Variants in MCRIP1 observed in about 807,000 individuals in gnomAD.
MCRIP1 encodes MAPK regulated corepressor interacting protein 1, also known as mapk-regulated corepressor-interacting protein 1.
MCRIP1 carries 10 observed loss-of-function variants against 14.4 expected under a neutral mutation model. The ratio of observed to expected loss-of-function variants is 0.70; its 90% CI spans 0.43 to 1.18. The LOEUF (loss-of-function observed/expected upper bound fraction) is 1.18, where lower values mean the gene tolerates loss of function less well. MCRIP1 is among the 50% of genes most tolerant of loss of function. MCRIP1 has a pLI of 0.00. For synonymous variants in MCRIP1, 53 were observed against 55.7 expected (o/e 0.95, Z 0.21); for missense variants, 119 against 135.4 (o/e 0.88, Z 0.60).
At chr17:81,825,844 C>T in intron 1 of MCRIP1, 2 of 1,289,752 alleles carry the variant, frequency 1.6e-6, no homozygotes, top group South Asian at 2.5e-5. Flanking sequence ...GACTCCAGCC[C>T]ACGAACACCA....
At chr17:81,833,156 G>A (rs1405710687) in intron 1 of MCRIP1, 82 bp downstream of exon 1, 1 of 146,380 alleles carries the variant, frequency 6.8e-6, no homozygotes, top group African/African-American at 2.5e-5. Context: ...ACCCGCGGCC[G>A]CGCGGCGACA....
In MCRIP1 at chr17:81,824,361, C is replaced by T. The variant is rs547202380; in HGVS notation, c.53G>A (p.Ser18Asn). The change falls in exon 3 of 5, where the codon AGC becomes AAC. Residue 18 changes from serine (S) to asparagine (N), a missense_variant. Ser to Asn is a conservative substitution (Grantham distance 46). Coordinates refer to ENST00000455127, the MANE Select transcript of MCRIP1 (RefSeq NM_207368.5). ...RVVYNGKRTS[S>N]PRSPPSSSEI... ...GCTGCTGCTGGGTGGGGAGCGGGGG[C>T]TGCTGGTCCTCTTGCCGTTGTACAC... 9.8e-6 allele frequency: 15 copies of T among 1,535,626 alleles called. No homozygotes were observed. In the African/African-American group the frequency reaches 1.8e-4, roughly 18 times the overall value.
chr17:81,824,433 G>A, intron 2 of MCRIP1, 28 bp from the exon 3 acceptor site: 1 of 1,534,376 alleles, frequency 6.5e-7, no homozygotes. Flanking sequence ...ATGAGACAGG[G>A]CACACAGCAG....
intron 1 of MCRIP1, among the ~76,000 whole-genome samples, chr17:81,829,334 G>A (rs770193365): frequency 2.0e-5 from 3 of 152,160 alleles, no homozygotes; most frequent in Non-Finnish European, 4.4e-5. Context: ...CATCCAGCCC[G>A]GCCCCCTGCC....
intron 1 of MCRIP1, among the ~76,000 whole-genome samples, chr17:81,831,217 G>T (rs984621428): frequency 6.6e-6 from 1 of 150,550 alleles, no homozygotes; most frequent in African/African-American, 2.4e-5. Context: ...GTATGCACCT[G>T]TAATTCCAGC....
In MCRIP1 at chr17:81,823,340, G is replaced by T; in HGVS notation, c.230-29C>A. The stretch of plus-strand genomic sequence containing the variant: ...CCAGGGGACAACGCGGTAGGTGGTG[G>T]GCACAGGCCCCTCCTGCCCATGAGG... On this transcript the variant is annotated intron_variant, in intron 4 of 4. Coordinates refer to ENST00000455127, the MANE Select transcript of MCRIP1 (RefSeq NM_207368.5). The surrounding 1 kb of genome is among the most constrained non-coding windows in gnomAD (Gnocchi z 6.0). 1 of 1,536,754 alleles carries T rather than the reference G, an allele frequency of 6.5e-7. No homozygotes were observed. The highest frequency in any genetic ancestry group is 8.7e-7 in the Non-Finnish European group (1 of 1,146,666).
intron 1 of MCRIP1, among the ~76,000 whole-genome samples, chr17:81,828,933 G>C (rs564247317): frequency 8.5e-4 from 129 of 152,342 alleles, no homozygotes; most frequent in African/African-American, 2.7e-3. Flanking sequence ...GGGAGGGCAG[G>C]AAGTGTGGCT....
At chr17:81,824,709 C>G in intron 1 of MCRIP1, 155 bp from the exon 2 acceptor site, 1 of 1,450,634 alleles carries the variant, frequency 6.9e-7, no homozygotes, top group Non-Finnish European at 9.1e-7. Context: ...GGCTGGGGTC[C>G]AGCCACAGGC....
At chr17:81,826,126 C>T (rs544495229) in intron 1 of MCRIP1, 1 of 1,481,678 alleles carries the variant, frequency 6.7e-7, no homozygotes. Flanking sequence ...GGCCTGGGAT[C>T]CCCCTGCTGG....
intron 1 of MCRIP1, chr17:81,826,515 CCTG>C: frequency 1.6e-6 from 1 of 632,612 alleles, no homozygotes; most frequent in South Asian, 2.1e-5. Flanking sequence ...AGAGCAAGAC[CCTG>C]TGTCAAAAAA....
At chr17:81,825,371 G>GGGGAAGCTGACAGGGCT in intron 1 of MCRIP1, 1 of 1,182,900 alleles carries the variant, frequency 8.5e-7, no homozygotes, top group Non-Finnish European at 1.1e-6. Context: ...ACCCCAAGGT[G>GGGGAAGCTGACAGGGCT]GGGAAGCTGA....
Position 81,823,316 on chromosome 17 carries a change from CA to C in MCRIP1, c.230-6del. ...TCAGGTCGATGGGCTTGAAGGCTGC[CA>C]GGGGACAACGCGGTAGGTGGTGGGC... On this transcript the variant is annotated splice_region_variant and splice_polypyrimidine_tract_variant and intron_variant, in intron 4 of 4. Coordinates refer to ENST00000455127, the MANE Select transcript of MCRIP1 (RefSeq NM_207368.5). The surrounding 1 kb of genome is among the most constrained non-coding windows in gnomAD (Gnocchi z 6.0). The C allele has an allele frequency of 6.5e-7, 1 of 1,536,972 alleles. No homozygotes were observed. Among genetic ancestry groups the C allele is most frequent in the African/African-American group, 1.4e-5 (1 of 73,156 alleles).
intron 1 of MCRIP1, among the ~76,000 whole-genome samples, chr17:81,830,029 G>C (rs751551668): frequency 4.6e-5 from 7 of 152,236 alleles, no homozygotes; most frequent in Non-Finnish European, 8.8e-5. Flanking sequence ...CAGCCACACA[G>C]AGCACAGGCC....
At position 81,831,802 on chromosome 17, in the gene MCRIP1, C is replaced by T. The variant is rs185084392; in HGVS notation, c.-49+1436G>A. Among the ~76,000 whole-genome samples, 13 of 152,336 alleles carry T rather than the reference C, an allele frequency of 8.5e-5. No homozygotes were observed. In the East Asian group the frequency reaches 2.1e-3, roughly 25 times the overall value. On this transcript the variant is annotated intron_variant, in intron 1 of 4. Coordinates refer to ENST00000455127, the MANE Select transcript of MCRIP1 (RefSeq NM_207368.5). ...AAGTCTGCCTCCACTCTGCCTGCAC[C>T]CTACAGCAGGTTTCTGGACTCCCTG... is the stretch of plus-strand genomic sequence containing the variant.
Position 81,824,384 on chromosome 17 carries a change from C to T in MCRIP1, c.30G>A (p.Val10=), listed in dbSNP as rs1433061648. 4 of 1,535,926 alleles carry T rather than the reference C, an allele frequency of 2.6e-6. No homozygotes were observed. Among genetic ancestry groups the T allele is most frequent in the Non-Finnish European group, 3.5e-6 (4 of 1,146,360 alleles). Residue 10 remains valine (V), a synonymous_variant, in exon 3 of 5, where the codon GTG becomes GTA. Transcript: ENST00000455127. MTSSPVSRV[V]YNGKRTSSPR... The stretch of plus-strand genomic sequence containing the variant: ...GGCTGCTGGTCCTCTTGCCGTTGTA[C>T]ACGACTCTGGAGACGGGGGAGCTGG...
chr17:81,832,361 G>C (rs2038536690), intron 1 of MCRIP1, among the ~76,000 whole-genome samples: 1 of 152,096 alleles, frequency 6.6e-6, no homozygotes, highest in Non-Finnish European at 1.5e-5. Flanking sequence ...GGCAGCAACA[G>C]CCTGAGCGTG....
In MCRIP1 at chr17:81,823,130, G is replaced by C. The variant is rs2038305039; in HGVS notation, c.*117C>G. 1.0e-6 allele frequency: 1 copy of C among 962,878 alleles called. No individual in the cohort carries two copies. The allele number at this position is 962,878 out of a possible 1,614,324, so 59.6% of individuals were successfully genotyped here. The stretch of plus-strand genomic sequence containing the variant: ...TCAGCCGTCAGTCACGCCAGTGCTG[G>C]GATCTGCAGCCCGCTGGAGCAAGGC... On this transcript the variant is annotated 3_prime_UTR_variant, in exon 5 of 5. Transcript: ENST00000455127. This position sits in a 1 kb window ranked among gnomAD's most constrained non-coding sequence, Gnocchi z 6.0.
intron 1 of MCRIP1, chr17:81,826,327 C>G: frequency 6.5e-7 from 1 of 1,535,474 alleles, no homozygotes; most frequent in Admixed American, 2.0e-5. Flanking sequence ...CCGCACACAC[C>G]TGTCTGTACA....
intron 1 of MCRIP1, chr17:81,825,120 G>A: frequency 9.8e-7 from 1 of 1,019,256 alleles, no homozygotes; most frequent in Non-Finnish European, 1.2e-6. Flanking sequence ...GTTCCCTAGA[G>A]CATGAGCCAC....
Sources: allele counts gnomAD v4.1 joint callset (sites outside exome capture counted in the v4.1 genomes callset), GRCh38; gene constraint gnomAD v4.1.1; non-coding constraint Gnocchi (gnomAD v3.1); transcripts MANE v1.5; gene names NCBI Gene and HGNC (gene_info 2026-07-23, HGNC 2026-07-21).